Variants in CPB2 observed in about 807,000 individuals in gnomAD.
CPB2 encodes the protein carboxypeptidase B2.
CPB2 carries 54 observed loss-of-function variants against 57.0 expected under a neutral mutation model. The ratio of observed to expected loss-of-function variants is 0.95; its 90% confidence interval spans 0.76 to 1.19. CPB2 has a LOEUF of 1.19. CPB2 is among the 50% of genes most tolerant of loss of function. The pLI is 0.00. For missense variants in CPB2, 426 were observed against 512.0 expected (o/e 0.83, Z 1.62); for synonymous variants, 189 against 178.1 (o/e 1.06, Z -0.49).
Position 46,058,184 on chromosome 13 carries a change from C to T in CPB2, c.994G>A (p.Glu332Lys), listed in dbSNP as rs757486677. The T allele has an allele frequency of 8.1e-6, 13 of 1,609,408 alleles. No homozygotes were observed. The highest frequency in any genetic ancestry group is 1.0e-5 in the Non-Finnish European group (12 of 1,175,988). Reference sequence around the variant, plus strand: ...AATAATTAAGTAGCACTTACCAGTTCCTCATGGTCTTTGCTTTTACTTCGT... The same window carrying T: ...AATAATTAAGTAGCACTTACCAGTTTCTCATGGTCTTTGCTTTTACTTCGT... ...YTRSKSKDHE[E>K]LSLVASEAVR... Residue 332 changes from glutamate to lysine, a missense_variant, in exon 9 of 11, where the codon GAA becomes AAA. Coordinates refer to ENST00000181383, the MANE Select transcript of CPB2 (RefSeq NM_001872.5).
chr13:46,066,117 A>T (rs1231564740), intron 7 of CPB2, among the ~76,000 whole-genome samples: 1 of 147,390 alleles, frequency 6.8e-6, no homozygotes, highest in Non-Finnish European at 1.5e-5. Flanking sequence ...TACCTCCTAC[A>T]TGAAATAATT....
intron 8 of CPB2, among the ~76,000 whole-genome samples, chr13:46,061,593 T>C (rs2044773120): frequency 6.6e-6 from 1 of 152,174 alleles, no homozygotes; most frequent in Non-Finnish European, 1.5e-5. Flanking sequence ...AAGGCAGCCA[T>C]CTACAAGCCA....
At chr13:46,088,325 T>C (rs2045241326) in intron 1 of CPB2, among the ~76,000 whole-genome samples, 1 of 152,214 alleles carries the variant, frequency 6.6e-6, no homozygotes, top group African/African-American at 2.4e-5. Context: ...TTTTTCTTTA[T>C]AGCATGGATT....
At chr13:46,073,468 G>A in intron 6 of CPB2, 1 of 982,166 alleles carries the variant, frequency 1.0e-6, no homozygotes, top group Non-Finnish European at 1.2e-6. Context: ...TGTGCTTTAT[G>A]TTCAATTTCC....
Position 46,053,655 on chromosome 13 carries a change from C to T in CPB2, c.1231G>A (p.Ala411Thr), listed in dbSNP as rs149340797. The T allele has an allele frequency of 1.2e-6, 2 of 1,613,860 alleles. No homozygotes were observed. The highest frequency in any genetic ancestry group is 1.3e-5 in the African/African-American group (1 of 74,890). The part of the protein sequence containing the change: ...IKPTCREAFA[A>T]VSKIAWHVIR... ...ACATGCCAAGCTATTTTAGAGACAG[C>T]GGCAAAAGCTTCTCTACAGGTGGGT... Residue 411 changes from alanine to threonine, a missense_variant, in exon 11 of 11, where the codon GCT (alanine) becomes ACT (threonine). By Grantham distance (58) the Ala-to-Thr change is moderately conservative (BLOSUM62 0). Transcript: ENST00000181383.
chr13:46,091,974 A>G (rs969382321), intron 1 of CPB2, among the ~76,000 whole-genome samples: 7 of 152,246 alleles, frequency 4.6e-5, no homozygotes, highest in African/African-American at 7.2e-5. Flanking sequence ...TAACCTCACA[A>G]GAACTATTTT....
At chr13:46,083,205 A>G (rs765066413) in intron 3 of CPB2, among the ~76,000 whole-genome samples, 42 of 152,194 alleles carry the variant, frequency 2.8e-4, no homozygotes, top group Non-Finnish European at 8.8e-5. Flanking sequence ...GCCAATAAAT[A>G]AAAGCCGCAG....
intron 5 of CPB2, among the ~76,000 whole-genome samples, chr13:46,076,148 A>T (rs185690384): frequency 2.0e-5 from 3 of 152,322 alleles, no homozygotes; most frequent in Admixed American, 2.0e-4. Context: ...TACTAACCAG[A>T]GCAAACAGGT....
At chr13:46,088,232 G>T (rs1202588318) in intron 1 of CPB2, among the ~76,000 whole-genome samples, 1 of 152,156 alleles carries the variant, frequency 6.6e-6, no homozygotes, top group Non-Finnish European at 1.5e-5. Flanking sequence ...GAAGATCCTT[G>T]TGTGCTCCTC....
At chr13:46,095,676 C>G (rs2045354996) in intron 1 of CPB2, among the ~76,000 whole-genome samples, 1 of 152,156 alleles carries the variant, frequency 6.6e-6, no homozygotes, top group East Asian at 1.9e-4. Flanking sequence ...CTTTAATTAA[C>G]TTTCTCACTC....
intron 6 of CPB2, among the ~76,000 whole-genome samples, chr13:46,070,928 T>C (rs1313769252): frequency 6.6e-6 from 1 of 152,228 alleles, no homozygotes; most frequent in African/African-American, 2.4e-5. Context: ...GCACCAATTA[T>C]GTTGACCAAA....
Position 46,078,906 on chromosome 13 carries a change from CA to C in CPB2, c.385-6del. The C allele has an allele frequency of 6.3e-7, 1 of 1,576,906 alleles. No homozygotes were observed. On this transcript the variant is annotated splice_polypyrimidine_tract_variant and splice_region_variant and intron_variant, in intron 4 of 10. Coordinates refer to ENST00000181383, the MANE Select transcript of CPB2 (RefSeq NM_001872.5). ...AAATTCTATCCAAGAATAGATCTAG[CA>C]AAATGGAAACCAGAGGTTAGTCACG... is the stretch of plus-strand genomic sequence containing the variant.
At chr13:46,093,058 G>A (rs574675548) in intron 1 of CPB2, among the ~76,000 whole-genome samples, 6 of 152,110 alleles carry the variant, frequency 3.9e-5, no homozygotes, top group African/African-American at 4.8e-5. Flanking sequence ...GATTACAGGC[G>A]TGCACCACCA....
intron 1 of CPB2, among the ~76,000 whole-genome samples, chr13:46,092,636 T>C (rs1188620548): frequency 1.3e-5 from 2 of 151,836 alleles, no homozygotes; most frequent in South Asian, 2.1e-4. Flanking sequence ...TGTCTAAGAG[T>C]GGGTAAAGGC....
At chr13:46,086,663 A>T (rs1248935240) in intron 2 of CPB2, among the ~76,000 whole-genome samples, 1 of 152,224 alleles carries the variant, frequency 6.6e-6, no homozygotes, top group Non-Finnish European at 1.5e-5. Context: ...CTGGGCTTGA[A>T]GGTGGGGCTT....
chr13:46,104,201 C>T (rs985620969), intron 1 of CPB2, among the ~76,000 whole-genome samples: 2 of 151,928 alleles, frequency 1.3e-5, no homozygotes, highest in Non-Finnish European at 2.9e-5. Flanking sequence ...GGATCTGTCT[C>T]AAAGATAATT....
chr13:46,103,097 A>G (rs559583938), intron 1 of CPB2, among the ~76,000 whole-genome samples: 1 of 152,304 alleles, frequency 6.6e-6, no homozygotes, highest in Admixed American at 6.5e-5. Flanking sequence ...TAGTGTCACT[A>G]AGCTGCTATA....
intron 9 of CPB2, among the ~76,000 whole-genome samples, chr13:46,057,048 C>A (rs1056404299): frequency 1.3e-5 from 2 of 152,046 alleles, no homozygotes; most frequent in African/African-American, 2.4e-5. Context: ...AACCATAACA[C>A]ATTCTCTTAA....
chr13:46,092,935 T>C (rs1366967144), intron 1 of CPB2, among the ~76,000 whole-genome samples: 2 of 152,146 alleles, frequency 1.3e-5, no homozygotes, highest in Non-Finnish European at 2.9e-5. Context: ...GTTTTTGAGA[T>C]GGAGTCTCGC....
Sources: gnomAD v4.1 joint callset for allele counts (sites outside exome capture counted in the v4.1 genomes callset) on GRCh38, gnomAD v4.1.1 for gene constraint, MANE v1.5 for transcripts, NCBI Gene and HGNC (gene_info 2026-07-23, HGNC 2026-07-21) for gene names.